USH2A: variants seen among roughly 807,000 people sequenced by gnomAD.
USH2A encodes the protein usherin.
Under a neutral mutation model 538.9 loss-of-function variants are expected in USH2A, and 443 were observed. The ratio of observed to expected loss-of-function variants is 0.82; its 90% CI spans 0.76 to 0.89. The LOEUF is 0.89. Ranked by LOEUF, USH2A falls within the 40% of genes least tolerant of loss-of-function variation. The pLI is 0.00. For synonymous variants in USH2A, 2,413 were observed against 2,273.5 expected, an observed-to-expected ratio of 1.06 and a Z score of -1.75; for missense variants, 6,633 against 6,324.8, an observed-to-expected ratio of 1.05 and a Z score of -1.65.
intron 58 of USH2A, among the ~76,000 whole-genome samples, chr1:215,746,475 C>T (rs929041681): frequency 2.0e-5 from 3 of 152,260 alleles, no homozygotes; most frequent in Admixed American, 2.0e-4. Context: ...GCCCTACTTG[C>T]GATTGTTTTT....
At chr1:216,101,107 C>T (rs1310768621) in intron 21 of USH2A, among the ~76,000 whole-genome samples, 2 of 152,120 alleles carry the variant, frequency 1.3e-5, no homozygotes, top group Non-Finnish European at 2.9e-5. Context: ...TGTGCAAAAT[C>T]TATGACAAAA....
Position 215,768,957 on chromosome 1 carries a change from C to G in USH2A, c.10940-2169G>C, listed in dbSNP as rs184711939. ...AAATATTGCTTAAAGAAGAGCATGC[C>G]CATCATAGTGTCCCATAAGGATTGC... is the stretch of plus-strand genomic sequence containing the variant. On this transcript the variant is annotated intron_variant, in intron 55 of 71. Transcript: ENST00000307340. Among the ~76,000 whole-genome samples, 743 of 152,204 alleles carry G rather than the reference C, an allele frequency of 4.9e-3. 5 individuals are homozygous for G. Among genetic ancestry groups the G allele is most frequent in the Middle Eastern group, 0.048 (14 of 294 alleles).
intron 44 of USH2A, among the ~76,000 whole-genome samples, chr1:215,865,867 G>T (rs1438508251): frequency 6.6e-6 from 1 of 152,154 alleles, no homozygotes; most frequent in East Asian, 1.9e-4. Flanking sequence ...ATTCACAATT[G>T]ATATCCTCAA....
At chr1:216,244,871 C>T (rs889480172) in intron 13 of USH2A, among the ~76,000 whole-genome samples, 4 of 151,968 alleles carry the variant, frequency 2.6e-5, no homozygotes, top group Admixed American at 6.6e-5. Flanking sequence ...ATTATACATA[C>T]AATTAAAGTT....
In USH2A at chr1:216,321,902, C is replaced by T. The variant is rs769443867; in HGVS notation, c.1625G>A (p.Ser542Asn). 2 of 1,613,810 alleles carry T rather than the reference C, an allele frequency of 1.2e-6. No individual in the cohort carries two copies. The highest frequency in any genetic ancestry group is 1.7e-6 in the Non-Finnish European group (2 of 1,179,846). Reference protein sequence around the residue: ...QPYRCLCSQESFTEGLHCDRC... With the variant: ...QPYRCLCSQENFTEGLHCDRC... Reference sequence around the variant, plus strand: ...ACTCACATGAAGTCCTTCAGTGAAGCTCTCCTGGGAGCAGAGGCATCTATA... The same window carrying T: ...ACTCACATGAAGTCCTTCAGTGAAGTTCTCCTGGGAGCAGAGGCATCTATA... Residue 542 changes from serine to asparagine, a missense_variant, in exon 9 of 72, where the codon AGC (serine) becomes AAC (asparagine). By Grantham distance (46) the Ser-to-Asn change is conservative. Coordinates refer to ENST00000307340, the MANE Select transcript of USH2A (RefSeq NM_206933.4).
chr1:216,131,748 CT>C (rs2033380330), intron 21 of USH2A, among the ~76,000 whole-genome samples: 2 of 152,166 alleles, frequency 1.3e-5, no homozygotes, highest in African/African-American at 2.4e-5. Flanking sequence ...CAAAAATTTA[CT>C]CATTCTTCAC....
At position 216,407,900 on chromosome 1, in the gene USH2A, T is replaced by C. The variant is rs142976497; in HGVS notation, c.651+10614A>G. Among the ~76,000 whole-genome samples the C allele has an allele frequency of 4.9e-4, 74 of 151,776 alleles. No individual in the cohort carries two copies. The East Asian group carries it at 0.013, about 27-fold the overall frequency. ...TACAAATTTGACAGAATTACCATAGTGGCATTTTCAAGACTAGAGATTGTT... is the reference window on the plus strand; with the variant it reads ...TACAAATTTGACAGAATTACCATAGCGGCATTTTCAAGACTAGAGATTGTT... On this transcript the variant is annotated intron_variant, in intron 3 of 71. Transcript: ENST00000307340.
At chr1:215,914,527 A>G (rs1328129634) in intron 38 of USH2A, among the ~76,000 whole-genome samples, 1 of 152,122 alleles carries the variant, frequency 6.6e-6, no homozygotes, top group African/African-American at 2.4e-5. Context: ...CAACATTGAC[A>G]TAGTTGTCTT....
intron 14 of USH2A, among the ~76,000 whole-genome samples, chr1:216,218,470 C>T (rs1196843471): frequency 6.6e-6 from 1 of 152,126 alleles, no homozygotes; most frequent in African/African-American, 2.4e-5. Flanking sequence ...ACGTTTAAAA[C>T]AACATCAAAT....
rs530920386 is a variant in USH2A at position 216,030,969 on chromosome 1, T to C, written c.6325+15462A>G. ...CAAAAGACATGAGGAAAGAATACTT[T>C]GAATTTAATTTCTGCCTTTTTTTTC... On this transcript the variant is annotated intron_variant, in intron 32 of 71. Coordinates refer to ENST00000307340, the MANE Select transcript of USH2A (RefSeq NM_206933.4). Among the ~76,000 whole-genome samples, 140 of 152,100 alleles carry C rather than the reference T, an allele frequency of 9.2e-4. 1 individual carries two copies. Among genetic ancestry groups the C allele is most frequent in the African/African-American group, 3.1e-3 (127 of 41,572 alleles).
Position 216,422,112 on chromosome 1 carries a change from A to G in USH2A, c.225T>C (p.Ser75=), listed in dbSNP as rs762955854. Residue 75 remains serine, a synonymous_variant, in exon 2 of 72, where the codon AGT becomes AGC. Transcript: ENST00000307340. ...TFCHSSAAAE[S]IQFCTQRFCI... The stretch of plus-strand genomic sequence containing the variant: ...AAAACCGCTGGGTACAGAACTGAAT[A>G]CTTTCAGCAGCAGCAGAGCTGTGAC... 1.2e-6 allele frequency: 2 copies of G among 1,613,804 alleles called. No individual in the cohort carries two copies. The highest frequency in any genetic ancestry group is 8.5e-7 in the Non-Finnish European group (1 of 1,179,896).
chr1:215,737,961 C>T (rs1660202052), intron 60 of USH2A, among the ~76,000 whole-genome samples: 1 of 151,990 alleles, frequency 6.6e-6, no homozygotes, highest in Non-Finnish European at 1.5e-5. Context: ...ACAGCATTTA[C>T]AGGGTGTTTG....
Position 215,634,553 on chromosome 1 carries a change from T to A in USH2A, c.15203A>T (p.His5068Leu). 5.0e-6 allele frequency: 8 copies of A among 1,614,216 alleles called. No homozygotes were observed. Among genetic ancestry groups the A allele is most frequent in the Non-Finnish European group, 6.8e-6 (8 of 1,180,034 alleles). ...FLSLILQRKI[H>L]KEPYIRERPP... ...TCTTTCTCTGATATATGGCTCTTTGTGGATTTTTCTTTGTAGTATCAGGGA... is the reference window on the plus strand; with the variant it reads ...TCTTTCTCTGATATATGGCTCTTTGAGGATTTTTCTTTGTAGTATCAGGGA... Residue 5068 changes from histidine (H) to leucine (L), a missense_variant, in exon 70 of 72, where the codon CAC becomes CTC. His to Leu is a moderately conservative substitution (Grantham distance 99). Transcript: ENST00000307340.
chr1:215,789,132 A>G (rs990374692), intron 51 of USH2A, among the ~76,000 whole-genome samples: 1 of 152,200 alleles, frequency 6.6e-6, no homozygotes, highest in African/African-American at 2.4e-5. Flanking sequence ...ACTGAACATT[A>G]TTATGTATAC....
intron 63 of USH2A, among the ~76,000 whole-genome samples, chr1:215,671,522 T>C (rs1361890442): frequency 6.6e-6 from 1 of 152,098 alleles, no homozygotes. Flanking sequence ...AGCAAGACTC[T>C]GTCTCAAAAA....
intron 11 of USH2A, among the ~76,000 whole-genome samples, chr1:216,265,088 GA>G (rs1274890638): frequency 2.0e-5 from 3 of 151,884 alleles, no homozygotes; most frequent in East Asian, 3.9e-4. Flanking sequence ...CTACAGAATG[GA>G]AAAATACTTG....
At chr1:216,236,002 G>A (rs891644548) in intron 13 of USH2A, among the ~76,000 whole-genome samples, 6 of 152,070 alleles carry the variant, frequency 3.9e-5, no homozygotes, top group Admixed American at 2.0e-4. Flanking sequence ...TATAGTTGAT[G>A]ATGGTAGTTT....
chr1:216,329,461 G>A (rs532657952), intron 4 of USH2A, among the ~76,000 whole-genome samples: 2 of 152,078 alleles, frequency 1.3e-5, no homozygotes, highest in Non-Finnish European at 1.5e-5. Context: ...TAGGAAAGAC[G>A]AATAGGAAAG....
At chr1:216,087,397 T>C (rs759460268) in intron 23 of USH2A, among the ~76,000 whole-genome samples, 19 of 152,110 alleles carry the variant, frequency 1.2e-4, no homozygotes, top group Non-Finnish European at 2.6e-4. Context: ...TAACATGTTC[T>C]CAACTGAACT....
Sources: allele counts gnomAD v4.1 joint callset (sites outside exome capture counted in the v4.1 genomes callset), GRCh38; gene constraint gnomAD v4.1.1; transcripts MANE v1.5; gene names NCBI Gene and HGNC (gene_info 2026-07-23, HGNC 2026-07-21).